The following TP63 variants were observed in gnomAD, a reference collection of about 807,000 sequenced individuals.
The protein encoded by TP63 is tumor protein p63.
In TP63, 17 loss-of-function variants were observed where a neutral mutation model predicts 82.8. The observed-to-expected ratio is 0.21, with a 90% CI of 0.14 to 0.31. The LOEUF (loss-of-function observed/expected upper bound fraction) is 0.31, where lower values mean the gene tolerates loss of function less well. Among genes scored for constraint, TP63 ranks in the 10% least tolerant of loss-of-function variants. The probability of loss-of-function intolerance (pLI) is 1.00; values close to 1 mark genes in which losing one functional copy is unlikely to be tolerated. For synonymous variants in TP63, 330 were observed against 321.7 expected, an observed-to-expected ratio of 1.03 and a Z score of -0.28; for missense variants, 648 against 895.3, an observed-to-expected ratio of 0.72 and a Z score of 3.52.
At chr3:189,874,978 TGTC>T (rs1213294214) in intron 10 of TP63, among the ~76,000 whole-genome samples, 3 of 144,836 alleles carry the variant, frequency 2.1e-5, no homozygotes, top group African/African-American at 7.5e-5. Flanking sequence ...TACTCTTTCC[TGTC>T]TTTTTTTTTT....
chr3:189,886,666 C>G, intron 11 of TP63, 115 bp downstream of exon 11: 1 of 1,458,932 alleles, frequency 6.9e-7, no homozygotes, highest in Non-Finnish European at 9.3e-7. Context: ...TGGGACAGAT[C>G]AGATCAAAGT....
intron 4 of TP63, among the ~76,000 whole-genome samples, chr3:189,825,546 C>G (rs1729252380): frequency 6.6e-6 from 1 of 152,042 alleles, no homozygotes; most frequent in African/African-American, 2.4e-5. Context: ...AGGTATTGCT[C>G]AAAACTTGAT....
chr3:189,789,939 G>A (rs1022492910), intron 3 of TP63: 2 of 1,206,538 alleles, frequency 1.7e-6, no homozygotes, highest in Non-Finnish European at 2.2e-6. Flanking sequence ...GTCACCCAAT[G>A]TAATGTTTTG....
At chr3:189,850,278 TC>T (rs923184117) in intron 4 of TP63, among the ~76,000 whole-genome samples, 5 of 151,196 alleles carry the variant, frequency 3.3e-5, no homozygotes, top group Non-Finnish European at 5.9e-5. Flanking sequence ...TGAGACTCCA[TC>T]CCCCCGTACC....
At chr3:189,734,593 C>A (rs976446023) in intron 1 of TP63, among the ~76,000 whole-genome samples, 1 of 152,108 alleles carries the variant, frequency 6.6e-6, no homozygotes, top group East Asian at 1.9e-4. Context: ...CATTTCTAAA[C>A]CCTCACCCTT....
At chr3:189,824,548 A>T (rs962080268) in intron 4 of TP63, among the ~76,000 whole-genome samples, 2 of 152,082 alleles carry the variant, frequency 1.3e-5, no homozygotes, top group Non-Finnish European at 1.5e-5. Flanking sequence ...TTTTCCAATT[A>T]GGCTGTGCCG....
At chr3:189,603,660 AAAAAAAAAAAAAAAAAG>A in the TP63 span, among the ~76,000 whole-genome samples, 1 of 122,994 alleles carries the variant, frequency 8.1e-6, no homozygotes, top group South Asian at 2.9e-4. Context: ...TAAAAAAAAA[AAAAAAAAAAAAAAAAAG>A]AAGCACAGTC....
At chr3:189,705,304 G>A (rs1307364585) in intron 1 of TP63, among the ~76,000 whole-genome samples, 1 of 152,172 alleles carries the variant, frequency 6.6e-6, no homozygotes, top group African/African-American at 2.4e-5. Flanking sequence ...GATAGTAATA[G>A]GACCTACCCT....
intron 4 of TP63, among the ~76,000 whole-genome samples, chr3:189,816,378 GCACAT>G (rs1161881223): frequency 3.3e-5 from 5 of 152,104 alleles, no homozygotes; most frequent in African/African-American, 1.2e-4. Flanking sequence ...CATGAGCTTT[GCACAT>G]TCTCCTGTTC....
chr3:189,607,385 T>G, the TP63 span, among the ~76,000 whole-genome samples: 1 of 152,216 alleles, frequency 6.6e-6, no homozygotes, highest in South Asian at 2.1e-4. Context: ...GCAACTTTTC[T>G]GTAAATCAAT....
At chr3:189,862,299 G>A (rs561011638) in intron 4 of TP63, among the ~76,000 whole-genome samples, 43 of 152,086 alleles carry the variant, frequency 2.8e-4, no homozygotes, top group African/African-American at 8.9e-4. Context: ...CTCAGTAAAC[G>A]ATGAAGCTAT....
Position 189,790,584 on chromosome 3 carries a change from TA to T in TP63, c.325-17677del, listed in dbSNP as rs34074996. Among the ~76,000 whole-genome samples the T allele has an allele frequency of 2.2e-3, 333 of 148,398 alleles. 2 individuals carry two copies. The highest frequency in any genetic ancestry group is 6.2e-3 in the South Asian group (29 of 4,700). ...AGGTATTTAAACCTGTGCAAAGGGATAAAAAAAAAAATCCTGAAGAGACTGT... is the reference window on the plus strand; with the variant it reads ...AGGTATTTAAACCTGTGCAAAGGGATAAAAAAAAAATCCTGAAGAGACTGT... On this transcript the variant is annotated intron_variant, in intron 3 of 13. Transcript: ENST00000264731.
At chr3:189,696,609 G>C (rs1228343164) in intron 1 of TP63, among the ~76,000 whole-genome samples, 2 of 152,096 alleles carry the variant, frequency 1.3e-5, no homozygotes, top group Non-Finnish European at 2.9e-5. Context: ...TTTTGGCTCT[G>C]TAAGAAACTG....
At chr3:189,800,519 T>C (rs959642456) in intron 3 of TP63, among the ~76,000 whole-genome samples, 1 of 151,342 alleles carries the variant, frequency 6.6e-6, no homozygotes, top group South Asian at 2.1e-4. Context: ...AGAGGTGCGC[T>C]TTTCTTGATT....
intron 4 of TP63, among the ~76,000 whole-genome samples, chr3:189,855,126 G>A (rs76157291): frequency 0.014 from 2,197 of 152,224 alleles, 24 homozygotes; most frequent in South Asian, 0.028. Flanking sequence ...CGGATAGAAA[G>A]TGGAGATCCT....
chr3:189,613,175 C>G, the TP63 span, among the ~76,000 whole-genome samples: 1 of 152,202 alleles, frequency 6.6e-6, no homozygotes, highest in African/African-American at 2.4e-5. Context: ...TGGCAGCTCC[C>G]CCAATCACAG....
At chr3:189,767,020 A>G (rs1190721335) in intron 3 of TP63, among the ~76,000 whole-genome samples, 1 of 152,214 alleles carries the variant, frequency 6.6e-6, no homozygotes, top group Admixed American at 6.5e-5. Flanking sequence ...TAAATAAGGT[A>G]TAAATTGTGG....
At chr3:189,788,306 C>T (rs1223824721) in intron 3 of TP63, among the ~76,000 whole-genome samples, 3 of 151,846 alleles carry the variant, frequency 2.0e-5, no homozygotes, top group Non-Finnish European at 4.4e-5. Flanking sequence ...TACCAGTAAC[C>T]TATGGGTCTT....
At chr3:189,875,603 T>TAC (rs1718988443) in intron 10 of TP63, among the ~76,000 whole-genome samples, 1 of 35,114 alleles carries the variant, frequency 2.8e-5, no homozygotes, top group Non-Finnish European at 8.3e-5. Context: ...CATATATATA[T>TAC]ATATATATAT....
Sources: allele counts gnomAD v4.1 joint callset (sites outside exome capture counted in the v4.1 genomes callset), GRCh38; gene constraint gnomAD v4.1.1; transcripts MANE v1.5; gene names NCBI Gene and HGNC (gene_info 2026-07-23, HGNC 2026-07-21).